Variants in C16orf46 observed in about 807,000 individuals in gnomAD.
C16orf46 encodes uncharacterized protein C16orf46.
In C16orf46, 7 loss-of-function variants were observed where a neutral mutation model predicts 5.5. That is an observed-to-expected ratio of 1.28 (90% confidence interval 0.73 to 2.40). The LOEUF is 2.40. C16orf46 is among the 30% of genes most tolerant of loss of function. The probability of loss-of-function intolerance (pLI) is 0.00; values close to 1 mark genes in which losing one functional copy is unlikely to be tolerated. For missense variants in C16orf46, 614 were observed against 476.0 expected (o/e 1.29, Z -2.70); for synonymous variants, 200 against 184.1 (o/e 1.09, Z -0.70).
intron 2 of C16orf46, among the ~76,000 whole-genome samples, chr16:81,064,681 A>C (rs968806963): frequency 1.3e-5 from 2 of 149,564 alleles, no homozygotes; most frequent in Non-Finnish European, 3.0e-5. Flanking sequence ...CGGGAGGTGG[A>C]GGTTGCAGTG....
intron 1 of C16orf46, among the ~76,000 whole-genome samples, chr16:81,067,980 T>C (rs1367331940): frequency 1.3e-5 from 2 of 152,200 alleles, no homozygotes; most frequent in African/African-American, 4.8e-5. Flanking sequence ...ACTCCAGAAA[T>C]ATTTGTCCAA....
Position 81,061,124 on chromosome 16 carries a change from A to T in C16orf46, c.*37T>A. Reference sequence around the variant, plus strand: ...GAAAGAGAAAGGATGGCTGCATCTCAAACGGTGCTTATTCCCAGGGGTTCT... The same window carrying T: ...GAAAGAGAAAGGATGGCTGCATCTCTAACGGTGCTTATTCCCAGGGGTTCT... On this transcript the variant is annotated 3_prime_UTR_variant, in exon 4 of 4. Coordinates refer to ENST00000299578, the MANE Select transcript of C16orf46 (RefSeq NM_152337.3). 1 of 1,540,256 alleles carries T rather than the reference A, an allele frequency of 6.5e-7. No individual in the cohort carries two copies. The highest frequency in any genetic ancestry group is 8.7e-7 in the Non-Finnish European group (1 of 1,144,962).
At chr16:81,068,287 C>T (rs1248329821) in intron 1 of C16orf46, among the ~76,000 whole-genome samples, 1 of 152,140 alleles carries the variant, frequency 6.6e-6, no homozygotes, top group Non-Finnish European at 1.5e-5. Flanking sequence ...TAGAGGCATA[C>T]CAGTCGAATA....
intron 2 of C16orf46, among the ~76,000 whole-genome samples, chr16:81,065,713 G>A (rs1375913792): frequency 6.6e-6 from 1 of 152,134 alleles, no homozygotes; most frequent in African/African-American, 2.4e-5. Context: ...ACCCATGCCA[G>A]AAAACTAGTT....
rs551624782 is a variant in C16orf46, at chr16:81,067,811, C to T, written c.-127-1530G>A. On this transcript the variant is annotated intron_variant, in intron 1 of 3. Transcript: ENST00000299578. ...CAGGTGATCCACCCATCTCAGCCTC[C>T]CAAAGAAATAAATGTATCAATGAAC... is the stretch of plus-strand genomic sequence containing the variant. Among the ~76,000 whole-genome samples, 14 of 151,996 alleles carry T rather than the reference C, an allele frequency of 9.2e-5. 2 individuals are homozygous for T. The South Asian group carries it at 2.7e-3, about 29-fold the overall frequency.
At chr16:81,068,712 A>ATATT in intron 1 of C16orf46, among the ~76,000 whole-genome samples, 1 of 150,812 alleles carries the variant, frequency 6.6e-6, no homozygotes, top group East Asian at 2.0e-4. Context: ...ACATATATAT[A>ATATT]TATTTTTTAG....
chr16:81,055,850 T>G (rs1971279312), intron 3 of C16orf46: 1 of 152,186 alleles, frequency 6.6e-6, no homozygotes, highest in South Asian at 2.1e-4. Context: ...CCCAAGTAGC[T>G]GGGATTATAG....
At chr16:81,054,366 C>G (rs1243574200) in intron 3 of C16orf46, among the ~76,000 whole-genome samples, 1 of 151,814 alleles carries the variant, frequency 6.6e-6, no homozygotes, top group African/African-American at 2.4e-5. Flanking sequence ...GGGAAGTCAA[C>G]CAAACTTTGG....
At chr16:81,066,830 A>G (rs573746299) in intron 1 of C16orf46, among the ~76,000 whole-genome samples, 16 of 152,314 alleles carry the variant, frequency 1.1e-4, no homozygotes, top group African/African-American at 3.8e-4. Context: ...AAGTCCATAC[A>G]AACGTTTTCC....
At chr16:81,064,286 C>G (rs373933159) in intron 2 of C16orf46, among the ~76,000 whole-genome samples, 81 of 148,702 alleles carry the variant, frequency 5.4e-4, no homozygotes, top group African/African-American at 1.7e-3. Context: ...ATCACTTGAA[C>G]CCAGGAAGCA....
chr16:81,075,040 A>T (rs998416402), intron 1 of C16orf46, among the ~76,000 whole-genome samples: 61 of 152,310 alleles, frequency 4.0e-4, no homozygotes, highest in African/African-American at 1.4e-3. Context: ...GTTGAGAAGG[A>T]TGGGTAAAGG....
In C16orf46 at chr16:81,061,920, A is replaced by G. The variant is rs917739173; in HGVS notation, c.429T>C (p.Ala143=). The change falls in exon 4 of 4, where the codon GCT becomes GCC. Residue 143 remains alanine, a synonymous_variant. Transcript: ENST00000299578. ...AGCAGATGTCGCTAATTGCCCTGGA[A>G]GCAGTGCTGGGGCCCTGGGGGGCTG... ...TQAAPQGPST[A]SRAISDICFP... is the part of the protein sequence containing the mutation. 5 of 1,614,206 alleles carry G rather than the reference A, an allele frequency of 3.1e-6. No individual in the cohort carries two copies. In the Admixed American group the frequency reaches 5.0e-5, roughly 16 times the overall value.
At chr16:81,053,638 T>C (rs1240099422) in exon 4 of C16orf46, 1 of 155,854 alleles carries the variant, frequency 6.4e-6, no homozygotes, top group African/African-American at 2.4e-5. Flanking sequence ...TTTCATACTT[T>C]ACTTGGAAGC....
chr16:81,063,644 C>T (rs1597142918), intron 3 of C16orf46, 102 bp downstream of exon 3: 1 of 953,530 alleles, frequency 1.0e-6, no homozygotes, highest in East Asian at 2.4e-5. Flanking sequence ...GTCATTGATT[C>T]CACATTTTTT....
chr16:81,062,305 C>G (rs1429221220), intron 3 of C16orf46, among the ~76,000 whole-genome samples, 167 bp from the exon 4 acceptor site: 1 of 151,458 alleles, frequency 6.6e-6, no homozygotes, highest in Non-Finnish European at 1.5e-5. Flanking sequence ...AAAATTCATT[C>G]ACTTAAAAAA....
intron 1 of C16orf46, among the ~76,000 whole-genome samples, chr16:81,073,797 AC>A (rs1971936182): frequency 6.6e-6 from 1 of 152,188 alleles, no homozygotes; most frequent in South Asian, 2.1e-4. Context: ...CTGAGAAAAG[AC>A]CCTGGTTTAC....
At chr16:81,076,514 TCA>T (rs1212502513) in intron 1 of C16orf46, 2 of 152,252 alleles carry the variant, frequency 1.3e-5, no homozygotes, top group Non-Finnish European at 2.9e-5. Context: ...TATTCCAATC[TCA>T]GTCTCAAACT....
At chr16:81,075,569 A>G (rs1411491064) in intron 1 of C16orf46, among the ~76,000 whole-genome samples, 3 of 152,220 alleles carry the variant, frequency 2.0e-5, no homozygotes, top group African/African-American at 4.8e-5. Context: ...CAACCTGGGT[A>G]ACAGGGTGAG....
chr16:81,059,769 C>G (rs910319751), downstream of C16orf46, among the ~76,000 whole-genome samples: 2 of 151,334 alleles, frequency 1.3e-5, no homozygotes, highest in African/African-American at 4.9e-5. Flanking sequence ...TCACAGTGAT[C>G]TTTTTATTTT....
Sources: allele counts gnomAD v4.1 joint callset (sites outside exome capture counted in the v4.1 genomes callset), GRCh38; gene constraint gnomAD v4.1.1; transcripts MANE v1.5; gene names NCBI Gene and HGNC (gene_info 2026-07-23, HGNC 2026-07-21).